OR10J1: variants seen among roughly 807,000 people sequenced by gnomAD.
The protein encoded by OR10J1 is olfactory receptor 10J1.
For synonymous variants in OR10J1, 202 were observed against 143.8 expected (o/e 1.40, Z -2.89); for missense variants, 474 against 376.6 (o/e 1.26, Z -2.14).
At chr1:159,402,933 A>G in the OR10J1 span, among the ~76,000 whole-genome samples, 1 of 152,108 alleles carries the variant, frequency 6.6e-6, no homozygotes, top group Non-Finnish European at 1.5e-5. Context: ...ATTGAACAGA[A>G]TAGAGAACCC....
At chr1:159,430,669 G>GTGTGTGTGTGCA in the OR10J1 span, among the ~76,000 whole-genome samples, 2 of 20,204 alleles carry the variant, frequency 9.9e-5, no homozygotes, top group Non-Finnish European at 4.6e-4. Flanking sequence ...GTGTGTGTGT[G>GTGTGTGTGTGCA]CGCGCGCGCA....
chr1:159,403,007 G>A, the OR10J1 span, among the ~76,000 whole-genome samples: 2 of 151,934 alleles, frequency 1.3e-5, no homozygotes, highest in South Asian at 2.1e-4. Flanking sequence ...ACACAAACTA[G>A]GGGAAAAGAC....
At chr1:159,421,315 TA>T in the OR10J1 span, among the ~76,000 whole-genome samples, 1 of 152,174 alleles carries the variant, frequency 6.6e-6, no homozygotes, top group African/African-American at 2.4e-5. Flanking sequence ...TCTGATTTTT[TA>T]TATTGTTTTC....
chr1:159,426,965 C>G, the OR10J1 span, among the ~76,000 whole-genome samples: 2 of 151,806 alleles, frequency 1.3e-5, no homozygotes, highest in South Asian at 4.1e-4. Context: ...TATTATTCCT[C>G]TCAGTATACA....
chr1:159,432,523 C>T, the OR10J1 span: 4 of 460,744 alleles, frequency 8.7e-6, no homozygotes, highest in African/African-American at 7.9e-5. Flanking sequence ...TTCTATCTCA[C>T]TTTTGGTGTC....
chr1:159,412,429 T>TCAAACTATA, the OR10J1 span, among the ~76,000 whole-genome samples: 15 of 131,096 alleles, frequency 1.1e-4, no homozygotes, highest in African/African-American at 4.6e-4. Flanking sequence ...CTACCTGACT[T>TCAAACTATA]CAAACTATAC....
At chr1:159,413,450 C>A in the OR10J1 span, among the ~76,000 whole-genome samples, 1 of 151,868 alleles carries the variant, frequency 6.6e-6, no homozygotes, top group Non-Finnish European at 1.5e-5. Context: ...AAATGTCCAA[C>A]AATGATAGAT....
chr1:159,439,758 T>G lies in OR10J1; in HGVS notation c.-34T>G. 6.2e-7 allele frequency: 1 copy of G among 1,612,852 alleles called. No homozygotes were observed. The highest frequency in any genetic ancestry group is 2.2e-5 in the East Asian group (1 of 44,864). On this transcript the variant is annotated 5_prime_UTR_variant, in exon 1 of 1. Coordinates refer to ENST00000423932, the MANE Select transcript of OR10J1 (RefSeq NM_012351.3). ...TGCTTTACTGGGACTATGTGACTTT[T>G]ATGCTTTTATGTTTCAGATTTGGGA...
At chr1:159,399,357 G>A in the OR10J1 span, among the ~76,000 whole-genome samples, 2 of 152,060 alleles carry the variant, frequency 1.3e-5, no homozygotes, top group East Asian at 3.9e-4. Context: ...AGATCACAAG[G>A]TCAGGAGATT....
chr1:159,414,330 G>A, the OR10J1 span, among the ~76,000 whole-genome samples: 1 of 152,046 alleles, frequency 6.6e-6, no homozygotes, highest in Non-Finnish European at 1.5e-5. Flanking sequence ...TCCCACATAT[G>A]AGAGAGGACA....
chr1:159,404,296 C>T, the OR10J1 span, among the ~76,000 whole-genome samples: 3 of 152,006 alleles, frequency 2.0e-5, no homozygotes. Flanking sequence ...GGTGTTTCAG[C>T]CAGCAATAGA....
the OR10J1 span, among the ~76,000 whole-genome samples, chr1:159,430,073 C>G: frequency 6.6e-6 from 1 of 152,132 alleles, no homozygotes; most frequent in Admixed American, 6.5e-5. Flanking sequence ...ATCTCATAAC[C>G]TCATGACCCT....
At chr1:159,436,663 C>A (rs1045527284), upstream of OR10J1, among the ~76,000 whole-genome samples, 1 of 145,482 alleles carries the variant, frequency 6.9e-6, no homozygotes, top group Admixed American at 6.9e-5. Context: ...AAATGGTTAG[C>A]GGTTTTAAAA....
chr1:159,439,748 A>G lies in OR10J1; in HGVS notation c.-44A>G, dbSNP rs373977497. 4 of 1,611,444 alleles carry G rather than the reference A, an allele frequency of 2.5e-6. No homozygotes were observed. The highest frequency in any genetic ancestry group is 1.1e-5 in the South Asian group (1 of 90,926). Reference sequence around the variant, plus strand: ...GTGCTTCTACTGCTTTACTGGGACTATGTGACTTTTATGCTTTTATGTTTC... The same window carrying G: ...GTGCTTCTACTGCTTTACTGGGACTGTGTGACTTTTATGCTTTTATGTTTC... On this transcript the variant is annotated 5_prime_UTR_variant, in exon 1 of 1. An upstream start codon of the reference 5' UTR is lost. Coordinates refer to ENST00000423932, the MANE Select transcript of OR10J1 (RefSeq NM_012351.3).
chr1:159,430,647 G>A, the OR10J1 span, among the ~76,000 whole-genome samples: 1,309 of 75,272 alleles, frequency 0.017, 24 homozygotes, highest in African/African-American at 0.041. Context: ...TATGGTGTGT[G>A]TGTGTGTGTG....
chr1:159,419,883 C>T, the OR10J1 span, among the ~76,000 whole-genome samples: 1 of 152,018 alleles, frequency 6.6e-6, no homozygotes, highest in Non-Finnish European at 1.5e-5. Flanking sequence ...TTTATTTTTA[C>T]TTTTCCTTCT....
the OR10J1 span, among the ~76,000 whole-genome samples, chr1:159,430,786 C>A: frequency 6.6e-6 from 1 of 151,902 alleles, no homozygotes; most frequent in Non-Finnish European, 1.5e-5. Flanking sequence ...TAGTATTTGC[C>A]TGCTATGTAT....
chr1:159,419,156 T>G, the OR10J1 span, among the ~76,000 whole-genome samples: 1 of 152,186 alleles, frequency 6.6e-6, no homozygotes, highest in East Asian at 1.9e-4. Context: ...AATGCTGAAA[T>G]GAGTTAAGAC....
chr1:159,439,687 A>G (rs1015607396), upstream of OR10J1: 6 of 1,385,832 alleles, frequency 4.3e-6, no homozygotes, highest in Non-Finnish European at 6.0e-6. Context: ...CAGATTTGTA[A>G]CTGAGAACTA....
Sources: gnomAD v4.1 joint callset for allele counts (sites outside exome capture counted in the v4.1 genomes callset) on GRCh38, gnomAD v4.1.1 for gene constraint, MANE v1.5 for transcripts, NCBI Gene and HGNC (gene_info 2026-07-23, HGNC 2026-07-21) for gene names.